Variants in FANCM observed in about 807,000 individuals in gnomAD.
FANCM encodes Fanconi anemia group M protein.
In FANCM, 140 loss-of-function variants were observed where a neutral mutation model predicts 199.5. That is an observed-to-expected ratio of 0.70 (90% confidence interval 0.61 to 0.81). The LOEUF (loss-of-function observed/expected upper bound fraction) is 0.81. Ranked by LOEUF, FANCM falls within the 30% of genes least tolerant of loss-of-function variation. The pLI is 0.00. For synonymous variants in FANCM, 840 were observed against 836.8 expected (o/e 1.00, Z -0.07); for missense variants, 2,410 against 2,421.4 (o/e 1.00, Z 0.10).
chr14:45,191,426 G>A (rs1889759792), intron 20 of FANCM, among the ~76,000 whole-genome samples: 1 of 152,158 alleles, frequency 6.6e-6, no homozygotes, highest in Non-Finnish European at 1.5e-5. Flanking sequence ...CAGAGCCTGG[G>A]TGCCTCCACA....
At chr14:45,146,539 C>T (rs1189966022) in intron 3 of FANCM, among the ~76,000 whole-genome samples, 2 of 151,974 alleles carry the variant, frequency 1.3e-5, no homozygotes, top group Non-Finnish European at 2.9e-5. Flanking sequence ...TCCCTGACCT[C>T]GTTTAAACAT....
chr14:45,163,299 A>G (rs548745346), intron 9 of FANCM, among the ~76,000 whole-genome samples: 3 of 152,250 alleles, frequency 2.0e-5, no homozygotes, highest in Non-Finnish European at 4.4e-5. Flanking sequence ...AAACTAATAT[A>G]TAAAGTACTT....
chr14:45,136,634 C>T, intron 1 of FANCM, 95 bp downstream of exon 1: 2 of 1,226,760 alleles, frequency 1.6e-6, no homozygotes, highest in Non-Finnish European at 2.4e-6. Context: ...CTTACGCCCT[C>T]CCTCTTAAAA....
Position 45,153,855 on chromosome 14 carries a change from T to G in FANCM, c.1051-65T>G. On this transcript the variant is annotated intron_variant, in intron 5 of 22. Transcript: ENST00000267430. ...GTTACACTGACTATGGCCTGACAAC[T>G]TGGGCATGGAGCATGTATGTTCATT... The G allele has an allele frequency of 3.1e-6, 4 of 1,290,214 alleles. No homozygotes were observed. In the Admixed American group the frequency reaches 6.7e-5, roughly 22 times the overall value. 79.9% of individuals were successfully genotyped at this position (1,290,214 alleles called of 1,614,324 possible).
At chr14:45,142,602 G>A (rs912351530) in intron 3 of FANCM, among the ~76,000 whole-genome samples, 4 of 151,838 alleles carry the variant, frequency 2.6e-5, no homozygotes, top group Non-Finnish European at 4.4e-5. Context: ...CACTGTGCCC[G>A]GCCGCTTCCT....
intron 20 of FANCM, among the ~76,000 whole-genome samples, chr14:45,190,295 G>T (rs1250056812): frequency 6.6e-6 from 1 of 152,154 alleles, no homozygotes; most frequent in Non-Finnish European, 1.5e-5. Context: ...TTAACTAGGA[G>T]TGAGACTGAA....
At position 45,175,446 on chromosome 14, in the gene FANCM, A is replaced by G. The variant is rs747219710; in HGVS notation, c.2692A>G (p.Lys898Glu). 6.9e-6 allele frequency: 11 copies of G among 1,599,214 alleles called. No homozygotes were observed. In the South Asian group the frequency reaches 1.3e-4, roughly 18 times the overall value. ...NIFQEDLPND[K>E]RTSDTDEIAA... ...TTTTCAAGAAGACCTACCAAATGAT[A>G]AAAGGACATCAGATACAGATGAAAT... The change falls in exon 14 of 23, where the codon AAA becomes GAA. Residue 898 changes from lysine to glutamate, a missense_variant. Coordinates refer to ENST00000267430, the MANE Select transcript of FANCM (RefSeq NM_020937.4).
chr14:45,187,238 T>A (rs1889457377), intron 18 of FANCM, among the ~76,000 whole-genome samples: 1 of 151,932 alleles, frequency 6.6e-6, no homozygotes, highest in African/African-American at 2.4e-5. Flanking sequence ...ACCTCGAAAT[T>A]CACATTATCT....
At chr14:45,186,980 T>G (rs74806881) in intron 18 of FANCM, among the ~76,000 whole-genome samples, 2 of 152,096 alleles carry the variant, frequency 1.3e-5, no homozygotes, top group African/African-American at 4.8e-5. Flanking sequence ...TCTACCAAGA[T>G]AGTAGCACTG....
In FANCM at chr14:45,185,237, A is replaced by C; in HGVS notation, c.4536A>C (p.Leu1512Phe). Residue 1512 changes from leucine to phenylalanine, a missense_variant, in exon 18 of 23, where the codon TTA becomes TTC. Coordinates refer to ENST00000267430, the MANE Select transcript of FANCM (RefSeq NM_020937.4). The part of the protein sequence containing the change: ...SHLKHVARKF[L>F]DDEAELSEED... ...CTTAGCATGTAGCTAGGAAGTTTTTAGATGATGAAGCAGAACTTTCTGAAG... is the reference window on the plus strand; with the variant it reads ...CTTAGCATGTAGCTAGGAAGTTTTTCGATGATGAAGCAGAACTTTCTGAAG... 1 of 1,602,350 alleles carries C rather than the reference A, an allele frequency of 6.2e-7. No individual in the cohort carries two copies. Among genetic ancestry groups the C allele is most frequent in the Non-Finnish European group, 8.5e-7 (1 of 1,170,626 alleles).
chr14:45,192,043 T>A (rs1303410953), intron 20 of FANCM, among the ~76,000 whole-genome samples: 3 of 152,036 alleles, frequency 2.0e-5, no homozygotes, highest in African/African-American at 7.2e-5. Flanking sequence ...TATTCATTTT[T>A]AAAAATTAAA....
At position 45,137,228 on chromosome 14, in the gene FANCM, A is replaced by G. The variant is rs1594751903; in HGVS notation, c.668A>G (p.Tyr223Cys). 3 of 1,612,438 alleles carry G rather than the reference A, an allele frequency of 1.9e-6. No individual in the cohort carries two copies. The highest frequency in any genetic ancestry group is 1.7e-6 in the Non-Finnish European group (2 of 1,179,818). ...GAAGCTCATAAAGCTCTCGGAAACT[A>G]TGCTTATTGCCAGGTAATAATTTTG... is the stretch of plus-strand genomic sequence containing the variant. ...IDEAHKALGNYAYCQVVRELV... is the reference protein window; with the variant it reads ...IDEAHKALGNCAYCQVVRELV... The change falls in exon 2 of 23, where the codon TAT (tyrosine) becomes TGT (cysteine). Residue 223 changes from tyrosine to cysteine, a missense_variant. Tyr to Cys is a radical substitution (Grantham distance 194). Coordinates refer to ENST00000267430, the MANE Select transcript of FANCM (RefSeq NM_020937.4).
intron 8 of FANCM, among the ~76,000 whole-genome samples, chr14:45,157,782 T>C (rs1376806296): frequency 6.6e-6 from 1 of 152,218 alleles, no homozygotes; most frequent in Non-Finnish European, 1.5e-5. Context: ...TTTTGTATTG[T>C]AAATTAACTT....
chr14:45,148,605 G>T (rs1412931543), intron 3 of FANCM, among the ~76,000 whole-genome samples: 1 of 152,166 alleles, frequency 6.6e-6, no homozygotes, highest in Non-Finnish European at 1.5e-5. Context: ...TTTCTCGGAT[G>T]CTTGGCTTGA....
At chr14:45,181,355 T>C (rs1321593141) in intron 14 of FANCM, 75 bp from the exon 15 acceptor site, 1 of 755,818 alleles carries the variant, frequency 1.3e-6, no homozygotes, top group Non-Finnish European at 2.3e-6. Flanking sequence ...AATGTAGCCA[T>C]CAATAAAATA....
intron 17 of FANCM, among the ~76,000 whole-genome samples, chr14:45,184,882 T>C: frequency 6.6e-6 from 1 of 150,734 alleles, no homozygotes; most frequent in East Asian, 2.0e-4. Flanking sequence ...CAAGTGATTC[T>C]CCTGCCTCAG....
rs371555034 is a variant in FANCM at position 45,199,746 on chromosome 14, C to T, written c.6009-124C>T. 16 of 810,382 alleles carry T rather than the reference C, an allele frequency of 2.0e-5. No individual in the cohort carries two copies. The South Asian group carries it at 2.2e-4, about 11-fold the overall frequency. The allele number at this position is 810,382 out of a possible 1,614,324, so 50.2% of individuals were successfully genotyped here. ...CAAACTAATGTTCAAGACATATCAGCTGGGCGGATAATGCTTGAGATGATT... is the reference window on the plus strand; with the variant it reads ...CAAACTAATGTTCAAGACATATCAGTTGGGCGGATAATGCTTGAGATGATT... On this transcript the variant is annotated intron_variant, in intron 22 of 22. Coordinates refer to ENST00000267430, the MANE Select transcript of FANCM (RefSeq NM_020937.4).
At chr14:45,171,960 AT>A (rs1431745185) in intron 12 of FANCM, among the ~76,000 whole-genome samples, 1 of 152,022 alleles carries the variant, frequency 6.6e-6, no homozygotes, top group East Asian at 1.9e-4. Flanking sequence ...AGCTGTACTA[AT>A]TTACACTCCC....
intron 14 of FANCM, 77 bp downstream of exon 14, chr14:45,177,053 ATG>A (rs1303628304): frequency 3.1e-6 from 3 of 974,500 alleles, no homozygotes; most frequent in Non-Finnish European, 4.8e-6. Flanking sequence ...ATTTTTCCAA[ATG>A]TAATTTTTTA....
Sources: gnomAD v4.1 joint callset for allele counts (sites outside exome capture counted in the v4.1 genomes callset) on GRCh38, gnomAD v4.1.1 for gene constraint, MANE v1.5 for transcripts, NCBI Gene and HGNC (gene_info 2026-07-23, HGNC 2026-07-21) for gene names.